Variants in ZNF705A observed in about 807,000 individuals in gnomAD.
The protein encoded by ZNF705A is zinc finger protein 705A.
ZNF705A carries 8 observed loss-of-function variants against 16.6 expected under a neutral mutation model. The ratio of observed to expected loss-of-function variants is 0.48; its 90% confidence interval spans 0.28 to 0.87. The LOEUF (loss-of-function observed/expected upper bound fraction) is 0.87. Ranked by LOEUF, ZNF705A falls within the 40% of genes least tolerant of loss-of-function variation. The probability of loss-of-function intolerance (pLI) is 0.10; values close to 1 mark genes in which losing one functional copy is unlikely to be tolerated. For missense variants in ZNF705A, 233 were observed against 359.9 expected (o/e 0.65, Z 2.85); for synonymous variants, 73 against 117.3 (o/e 0.62, Z 2.44).
At chr12:8,158,827 T>A (rs6486851) in intron 1 of ZNF705A, among the ~76,000 whole-genome samples, 65,143 of 151,908 alleles carry the variant, frequency 0.43, 14,398 homozygotes, top group South Asian at 0.56. Flanking sequence ...TTTTTTAAAA[T>A]TTTCCATAGG....
chr12:8,168,772 T>G (rs747026348), upstream of ZNF705A: 141 of 152,334 alleles, frequency 9.3e-4, 1 homozygote, highest in African/African-American at 3.1e-3. Context: ...TACCACTTAT[T>G]TTTAAATTCT....
chr12:8,171,370 T>C (rs1159171763), upstream of ZNF705A, among the ~76,000 whole-genome samples: 2 of 152,222 alleles, frequency 1.3e-5, no homozygotes, highest in East Asian at 1.9e-4. Flanking sequence ...TATAAACATA[T>C]GCACCTATAT....
intron 1 of ZNF705A, among the ~76,000 whole-genome samples, chr12:8,157,435 G>C (rs1427528262): frequency 6.6e-6 from 1 of 151,968 alleles, no homozygotes; most frequent in East Asian, 1.9e-4. Context: ...GCTGCCTGAG[G>C]GGGAAAAAAG....
chr12:8,162,336 G>A (rs1273275821), intron 1 of ZNF705A, among the ~76,000 whole-genome samples: 13 of 152,086 alleles, frequency 8.5e-5, no homozygotes, highest in Non-Finnish European at 1.8e-4. Flanking sequence ...AACCAGAAAG[G>A]GACTATTTAT....
chr12:8,168,168 G>A (rs189512341), upstream of ZNF705A, among the ~76,000 whole-genome samples: 32 of 152,250 alleles, frequency 2.1e-4, no homozygotes, highest in Middle Eastern at 6.8e-3. Context: ...CCAAGAAGTT[G>A]CTTCTTCCTG....
Position 8,175,220 on chromosome 12 carries a change from A to G in ZNF705A, c.140-8A>G. On this transcript the variant is annotated splice_polypyrimidine_tract_variant and splice_region_variant and intron_variant, in intron 2 of 4. Coordinates refer to ENST00000359286, the Ensembl canonical transcript of ZNF705A. ...AACTCAAAACACATGTATTCTTTCC[A>G]CTAACAGGGTACCAGATAAGCAAAT... The G allele has an allele frequency of 6.3e-7, 1 of 1,596,920 alleles. No individual in the cohort carries two copies. The highest frequency in any genetic ancestry group is 8.5e-7 in the Non-Finnish European group (1 of 1,179,364).
In ZNF705A at chr12:8,172,695, A is replaced by ATT. The variant is rs1948454698; in HGVS notation, c.12+62_12+63dup. 1.5e-5 allele frequency: 24 copies of ATT among 1,588,416 alleles called. 1 individual carries two copies. The South Asian group carries it at 2.6e-4, about 17-fold the overall frequency. ...ATACCCATATTGCTGGCAAGTGGGCATTTTTCTCCAATTTGCATGGGTGTT... is the reference window on the plus strand; with the variant it reads ...ATACCCATATTGCTGGCAAGTGGGCATTTTTTTCTCCAATTTGCATGGGTGTT... On this transcript the variant is annotated intron_variant, in intron 1 of 4. Transcript: ENST00000359286.
At chr12:8,160,844 T>C (rs1179959248) in intron 1 of ZNF705A, among the ~76,000 whole-genome samples, 2 of 152,138 alleles carry the variant, frequency 1.3e-5, no homozygotes, top group African/African-American at 4.8e-5. Flanking sequence ...TTGCTCTGGC[T>C]AGGACTTCCA....
At chr12:8,157,631 G>A (rs1003340050) in intron 1 of ZNF705A, among the ~76,000 whole-genome samples, 1 of 152,162 alleles carries the variant, frequency 6.6e-6, no homozygotes, top group African/African-American at 2.4e-5. Flanking sequence ...GTGAATTGAA[G>A]GAGTATAGGG....
intron 1 of ZNF705A, among the ~76,000 whole-genome samples, chr12:8,159,696 T>G (rs1948337831): frequency 6.6e-6 from 1 of 152,120 alleles, no homozygotes; most frequent in East Asian, 1.9e-4. Context: ...CTTACTGATT[T>G]GTTTGAGTTC....
At chr12:8,168,227 A>G (rs768855585), upstream of ZNF705A, among the ~76,000 whole-genome samples, 1 of 152,196 alleles carries the variant, frequency 6.6e-6, no homozygotes, top group Non-Finnish European at 1.5e-5. Context: ...GTAGACCATC[A>G]GGAAACGGCC....
rs775669860 is a variant in ZNF705A at position 8,164,256 on chromosome 12, C to A, written c.-72+7164C>A. On this transcript the variant is annotated intron_variant, in intron 1 of 5. Coordinates refer to the ZNF705A transcript ENST00000396570. The stretch of plus-strand genomic sequence containing the variant: ...TCTACCCATTTCCCCAGCACCAGGG[C>A]CCCTGGCAACCACCATTCTACTCTC... Among the ~76,000 whole-genome samples the A allele has an allele frequency of 2.6e-5, 4 of 152,282 alleles. No homozygotes were observed. In the East Asian group the frequency reaches 5.8e-4, roughly 22 times the overall value.
intron 3 of ZNF705A, among the ~76,000 whole-genome samples, chr12:8,175,567 G>T (rs1341363845): frequency 6.6e-6 from 1 of 152,040 alleles, no homozygotes; most frequent in Non-Finnish European, 1.5e-5. Flanking sequence ...CTTGGCTGGG[G>T]TTAAACTTTC....
At chr12:8,158,123 A>G (rs1222715211) in intron 1 of ZNF705A, among the ~76,000 whole-genome samples, 1 of 152,180 alleles carries the variant, frequency 6.6e-6, no homozygotes, top group African/African-American at 2.4e-5. Flanking sequence ...ACATGAATAC[A>G]TAGCTCAAAG....
rs145286690 is a variant in ZNF705A at position 8,177,245 on chromosome 12, C to T, written c.565C>T (p.Arg189Trp). The T allele has an allele frequency of 1.0e-4, 167 of 1,611,624 alleles. No homozygotes were observed. Among genetic ancestry groups the T allele is most frequent in the African/African-American group, 9.2e-4 (69 of 74,934 alleles). ...CTATACTAATTGCTTTCGCCTTAGACGGCACAAGATGACTCACACTGGAGA... is the reference window on the plus strand; with the variant it reads ...CTATACTAATTGCTTTCGCCTTAGATGGCACAAGATGACTCACACTGGAGA... The change falls in exon 5 of 5, where the codon CGG (arginine) becomes TGG (tryptophan). Residue 189 changes from arginine (R) to tryptophan (W), a missense_variant. By Grantham distance (101) the Arg-to-Trp change is moderately radical. This residue lies in a region of ZNF705A where 220 missense variants were observed against 271.4 expected (regional missense o/e 0.81). Transcript: ENST00000359286.
upstream of ZNF705A, among the ~76,000 whole-genome samples, chr12:8,172,269 A>G (rs770879714): frequency 3.3e-5 from 5 of 151,540 alleles, no homozygotes; most frequent in Admixed American, 3.3e-4. Context: ...TTTTAAAATC[A>G]GTGAGGGAAT....
chr12:8,167,198 C>T (rs1948406133), intron 1 of ZNF705A, among the ~76,000 whole-genome samples: 1 of 152,208 alleles, frequency 6.6e-6, no homozygotes, highest in African/African-American at 2.4e-5. Flanking sequence ...TGTCTGGTTT[C>T]TTGCTGTATC....
chr12:8,163,526 C>T (rs1308894770), intron 1 of ZNF705A, among the ~76,000 whole-genome samples: 1 of 152,200 alleles, frequency 6.6e-6, no homozygotes, highest in Non-Finnish European at 1.5e-5. Context: ...TAATCAGCCT[C>T]ATCCTACATT....
intron 1 of ZNF705A, among the ~76,000 whole-genome samples, chr12:8,161,940 C>T (rs1318172212): frequency 6.6e-6 from 1 of 152,164 alleles, no homozygotes; most frequent in Non-Finnish European, 1.5e-5. Context: ...ATTGTGAGCA[C>T]ACCTCACCAG....
Sources: allele counts gnomAD v4.1 joint callset (sites outside exome capture counted in the v4.1 genomes callset), GRCh38; gene constraint gnomAD v4.1.1; regional missense constraint gnomAD v4.1.1; transcripts MANE v1.5; gene names NCBI Gene and HGNC (gene_info 2026-07-23, HGNC 2026-07-21).